CACNA1B: variants seen among roughly 807,000 people sequenced by gnomAD.
CACNA1B encodes the protein voltage-dependent N-type calcium channel subunit alpha-1B.
In CACNA1B, 70 loss-of-function variants were observed where a neutral mutation model predicts 247.2. The ratio of observed to expected loss-of-function variants is 0.28; its 90% CI spans 0.23 to 0.35. The LOEUF (loss-of-function observed/expected upper bound fraction) is 0.35. Among genes scored for constraint, CACNA1B ranks in the 10% least tolerant of loss-of-function variants. CACNA1B has a pLI of 1.00. For missense variants in CACNA1B, 2,367 were observed against 3,197.4 expected (o/e 0.74, Z 6.26); for synonymous variants, 1,231 against 1,294.4 (o/e 0.95, Z 1.05).
intron 5 of CACNA1B, among the ~76,000 whole-genome samples, chr9:137,916,599 G>A (rs1957413822): frequency 6.6e-6 from 1 of 152,250 alleles, no homozygotes; most frequent in Non-Finnish European, 1.5e-5. Flanking sequence ...AGATCATCCT[G>A]CCTGACAGGC....
chr9:138,117,195 C>CAG (rs1961897734), intron 42 of CACNA1B, among the ~76,000 whole-genome samples: 1 of 152,040 alleles, frequency 6.6e-6, no homozygotes, highest in South Asian at 2.1e-4. Flanking sequence ...GCTGTTGGGG[C>CAG]AGGCGTATGG....
At chr9:137,912,979 A>C (rs892933989) in intron 3 of CACNA1B, among the ~76,000 whole-genome samples, 1 of 151,758 alleles carries the variant, frequency 6.6e-6, no homozygotes, top group Non-Finnish European at 1.5e-5. Flanking sequence ...GCCTCCTCTC[A>C]CCTGGCAAGC....
At chr9:137,998,010 C>T (rs992251019) in intron 15 of CACNA1B, among the ~76,000 whole-genome samples, 5 of 151,998 alleles carry the variant, frequency 3.3e-5, no homozygotes, top group South Asian at 2.1e-4. Context: ...ATGTGCAAAA[C>T]AATGTCATAT....
At chr9:137,987,215 C>T (rs529726109) in intron 15 of CACNA1B, among the ~76,000 whole-genome samples, 1 of 152,262 alleles carries the variant, frequency 6.6e-6, no homozygotes, top group Non-Finnish European at 1.5e-5. Context: ...AAAGCACTTC[C>T]TAAACTTCTC....
chr9:138,068,733 C>T (rs918415761), intron 31 of CACNA1B: 13 of 456,398 alleles, frequency 2.8e-5, no homozygotes, highest in Non-Finnish European at 4.8e-5. Context: ...GGGGCGGGAA[C>T]TGCTGACTGC....
chr9:138,074,837 T>C (rs1960259687), intron 34 of CACNA1B, among the ~76,000 whole-genome samples: 1 of 152,230 alleles, frequency 6.6e-6, no homozygotes, highest in Admixed American at 6.5e-5. Context: ...ATCCTGTTAG[T>C]CTGGCAGCCG....
chr9:138,007,635 AG>A lies in CACNA1B; in HGVS notation c.2092+754del, dbSNP rs1958669584. Among the ~76,000 whole-genome samples the A allele has an allele frequency of 6.6e-6, 1 of 152,142 alleles. No homozygotes were observed. Among genetic ancestry groups the A allele is most frequent in the Non-Finnish European group, 1.5e-5 (1 of 68,008 alleles). On this transcript the variant is annotated intron_variant, in intron 16 of 46. Coordinates refer to ENST00000371372, the MANE Select transcript of CACNA1B (RefSeq NM_000718.4). The surrounding 1 kb of genome is among the most constrained non-coding windows in gnomAD (Gnocchi z 4.1). ...TAAGCCTGGATTCCAGCCCTAGCCCAGGGTGTCAGAGGCAGTGGGGCTGGGC... is the reference window on the plus strand; with the variant it reads ...TAAGCCTGGATTCCAGCCCTAGCCCAGGTGTCAGAGGCAGTGGGGCTGGGC...
At chr9:138,043,730 C>A (rs773740711) in intron 20 of CACNA1B, 44 bp from the exon 21 acceptor site, 1 of 1,611,338 alleles carries the variant, frequency 6.2e-7, no homozygotes, top group East Asian at 2.2e-5. Context: ...ACGTGGGCTT[C>A]ATGTGCACTA....
chr9:137,997,702 G>T (rs1159545359), intron 15 of CACNA1B, among the ~76,000 whole-genome samples: 6 of 152,182 alleles, frequency 3.9e-5, no homozygotes, highest in Admixed American at 3.3e-4. Context: ...AGAAATTAGT[G>T]TTTCTTTATG....
In CACNA1B at chr9:138,069,751, C is replaced by T. The variant is rs183776856; in HGVS notation, c.4669-7C>T. ...CAAATATCCATCCATGAAAACATCA[C>T]ATGTAGGAAACGGTTGGTTTCACGA... On this transcript the variant is annotated splice_polypyrimidine_tract_variant and splice_region_variant and intron_variant, in intron 31 of 46. Transcript: ENST00000371372. The T allele has an allele frequency of 6.8e-6, 11 of 1,607,968 alleles. No homozygotes were observed. The highest frequency in any genetic ancestry group is 1.7e-4 in the Middle Eastern group (1 of 6,052).
chr9:137,926,103 CTG>C (rs1487499403), intron 6 of CACNA1B, among the ~76,000 whole-genome samples: 2 of 134,072 alleles, frequency 1.5e-5, no homozygotes, highest in Non-Finnish European at 3.1e-5. Flanking sequence ...GAGTCTCACT[CTG>C]TCGCCCAGGC....
At chr9:137,940,991 T>C (rs1311003731) in intron 6 of CACNA1B, among the ~76,000 whole-genome samples, 1 of 152,180 alleles carries the variant, frequency 6.6e-6, no homozygotes, top group Non-Finnish European at 1.5e-5. Flanking sequence ...GCATTCCCTT[T>C]GAGAACTGGA....
At chr9:138,083,870 TG>T (rs1960608136) in intron 36 of CACNA1B, among the ~76,000 whole-genome samples, 1 of 150,624 alleles carries the variant, frequency 6.6e-6, no homozygotes, top group African/African-American at 2.5e-5. Flanking sequence ...TCACAGAACC[TG>T]GGATACTGCC....
At chr9:138,056,736 G>T (rs1049947272) in intron 26 of CACNA1B, among the ~76,000 whole-genome samples, 2 of 152,160 alleles carry the variant, frequency 1.3e-5, no homozygotes, top group African/African-American at 4.8e-5. Context: ...AACACTTGTG[G>T]TTTTCCATCT....
At chr9:138,044,801 C>A (rs563389192) in intron 21 of CACNA1B, among the ~76,000 whole-genome samples, 1 of 152,242 alleles carries the variant, frequency 6.6e-6, no homozygotes, top group Non-Finnish European at 1.5e-5. Flanking sequence ...GTCTTTCTAC[C>A]AAGCCCTGCA....
intron 32 of CACNA1B, among the ~76,000 whole-genome samples, chr9:138,070,623 A>G (rs1011484132): frequency 3.3e-5 from 5 of 152,268 alleles, no homozygotes; most frequent in African/African-American, 1.2e-4. Context: ...AGCGATTCAC[A>G]ATTGGAGCAG....
At chr9:138,103,375 C>G (rs1262428630) in intron 38 of CACNA1B, among the ~76,000 whole-genome samples, 1 of 152,170 alleles carries the variant, frequency 6.6e-6, no homozygotes, top group Admixed American at 6.5e-5. Flanking sequence ...GGGGAAGAGG[C>G]ACTGTGGCAC....
intron 7 of CACNA1B, among the ~76,000 whole-genome samples, chr9:137,953,249 C>G (rs1185349206): frequency 6.6e-6 from 1 of 152,232 alleles, no homozygotes; most frequent in Non-Finnish European, 1.5e-5. Flanking sequence ...TGGAAGGCAT[C>G]AGGCCTGCCT....
rs115250203 is a variant in CACNA1B, at chr9:138,007,226, A to G, written c.2092+342A>G. On this transcript the variant is annotated intron_variant, in intron 16 of 46. Coordinates refer to ENST00000371372, the MANE Select transcript of CACNA1B (RefSeq NM_000718.4). The surrounding 1 kb of genome is among the most constrained non-coding windows in gnomAD (Gnocchi z 4.1). Reference sequence around the variant, plus strand: ...TGTTTTCACTTTGATTTAATTGTGTACTTAGGTTTTGGCACTGGGCTTTAA... The same window carrying G: ...TGTTTTCACTTTGATTTAATTGTGTGCTTAGGTTTTGGCACTGGGCTTTAA... Among the ~76,000 whole-genome samples the G allele has an allele frequency of 3.9e-3, 590 of 152,230 alleles. 7 individuals carry two copies. The highest frequency in any genetic ancestry group is 0.014 in the African/African-American group (573 of 41,528).
Sources: allele counts gnomAD v4.1 joint callset (sites outside exome capture counted in the v4.1 genomes callset), GRCh38; gene constraint gnomAD v4.1.1; non-coding constraint Gnocchi (gnomAD v3.1); transcripts MANE v1.5; gene names NCBI Gene and HGNC (gene_info 2026-07-23, HGNC 2026-07-21).